Variants in PLPBP observed in about 807,000 individuals in gnomAD.
The protein encoded by PLPBP is pyridoxal phosphate binding protein.
Under a neutral mutation model 31.2 loss-of-function variants are expected in PLPBP, and 21 were observed. The observed-to-expected ratio is 0.67, with a 90% CI of 0.48 to 0.97. PLPBP has a LOEUF of 0.97. Ranked by LOEUF, PLPBP falls within the 50% of genes least tolerant of loss-of-function variation. PLPBP has a pLI of 0.00. For missense variants in PLPBP, 308 were observed against 354.4 expected (o/e 0.87, Z 1.05); for synonymous variants, 124 against 135.6 (o/e 0.91, Z 0.59).
chr8:37,778,173 A>G lies in PLPBP; in HGVS notation c.*69A>G. 1 of 1,565,408 alleles carries G rather than the reference A, an allele frequency of 6.4e-7. No individual in the cohort carries two copies. Among genetic ancestry groups the G allele is most frequent in the Non-Finnish European group, 8.7e-7 (1 of 1,148,240 alleles). On this transcript the variant is annotated 3_prime_UTR_variant, in exon 8 of 8. Transcript: ENST00000328195. ...TTCATTTCGATATTCCCTGTGTCCC[A>G]GCGCAGTCCTGCTCTCCTGTGACCT...
intron 4 of PLPBP, among the ~76,000 whole-genome samples, chr8:37,771,115 T>G (rs191246188): frequency 6.8e-4 from 103 of 152,188 alleles, no homozygotes; most frequent in African/African-American, 2.4e-3. Context: ...GAGGATCACT[T>G]GAAGCCAAAT....
At chr8:37,766,202 CAG>C (rs1323800798) in intron 3 of PLPBP, 76 bp from the exon 4 acceptor site, 6 of 1,016,788 alleles carry the variant, frequency 5.9e-6, no homozygotes, top group African/African-American at 3.3e-5. Context: ...TGAAAGGTGA[CAG>C]GGAGTGCACG....
chr8:37,764,090 T>A (rs13273392), intron 1 of PLPBP, among the ~76,000 whole-genome samples: 13 of 144,562 alleles, frequency 9.0e-5, no homozygotes, highest in Non-Finnish European at 1.5e-4. Flanking sequence ...TTTTTTTTTG[T>A]TGTGTTGTTT....
intron 4 of PLPBP, among the ~76,000 whole-genome samples, chr8:37,770,001 A>C (rs979210759): frequency 7.9e-5 from 12 of 152,236 alleles, no homozygotes; most frequent in Non-Finnish European, 1.8e-4. Flanking sequence ...GACATGAAAA[A>C]ATGGAAAGAT....
At chr8:37,762,824 A>T in intron 1 of PLPBP, 66 bp downstream of exon 1, 1 of 1,510,478 alleles carries the variant, frequency 6.6e-7, no homozygotes, top group Admixed American at 2.0e-5. Flanking sequence ...CTGCGTGGGA[A>T]TGGGTCGTCA....
chr8:37,775,229 G>T, intron 5 of PLPBP, 110 bp from the exon 6 acceptor site: 2 of 1,297,746 alleles, frequency 1.5e-6, no homozygotes, highest in Non-Finnish European at 2.2e-6. Flanking sequence ...CTTTCAAGAG[G>T]TTCTCTTGTT....
intron 5 of PLPBP, among the ~76,000 whole-genome samples, chr8:37,774,142 T>C (rs900371938): frequency 6.6e-6 from 1 of 151,356 alleles, no homozygotes; most frequent in Non-Finnish European, 1.5e-5. Flanking sequence ...ACCCAGGAGG[T>C]GAATATTGCA....
intron 1 of PLPBP, among the ~76,000 whole-genome samples, chr8:37,764,930 G>A (rs1803581328): frequency 6.6e-6 from 1 of 152,180 alleles, no homozygotes; most frequent in Non-Finnish European, 1.5e-5. Flanking sequence ...CAGCACTTTG[G>A]GAGGCCGAAG....
intron 1 of PLPBP, 89 bp from the exon 2 acceptor site, chr8:37,765,437 G>A (rs1803597058): frequency 3.2e-6 from 4 of 1,234,846 alleles, no homozygotes; most frequent in South Asian, 2.5e-5. Context: ...TGAGATCAAT[G>A]CCTGTCTATC....
chr8:37,770,954 A>G (rs1050836136), intron 4 of PLPBP, among the ~76,000 whole-genome samples: 1 of 152,120 alleles, frequency 6.6e-6, no homozygotes, highest in Admixed American at 6.5e-5. Context: ...AGGAAAACCT[A>G]ACAGAACTGT....
At chr8:37,775,190 T>C in intron 5 of PLPBP, 149 bp from the exon 6 acceptor site, 1 of 825,672 alleles carries the variant, frequency 1.2e-6, no homozygotes, top group Non-Finnish European at 1.9e-6. Context: ...AAACCCCAAG[T>C]ATAAAGTTAC....
In PLPBP at chr8:37,775,395, A is replaced by G. The variant is rs1287250114; in HGVS notation, c.511A>G (p.Lys171Glu). 6.2e-7 allele frequency: 1 copy of G among 1,614,204 alleles called. No individual in the cohort carries two copies. The highest frequency in any genetic ancestry group is 1.1e-5 in the South Asian group (1 of 91,082). Residue 171 changes from lysine to glutamate, a missense_variant, in exon 6 of 8, where the codon AAG becomes GAG. Around this residue, in one of 2 missense-constraint regions of PLPBP, gnomAD observed 188 missense variants for 259.3 expected, o/e 0.73. Transcript: ENST00000328195. The part of the protein sequence containing the change: ...TIAIVEHINA[K>E]CPNLEFVGLM... ...AGCCATCGTGGAGCACATAAACGCC[A>G]AGTGTCCTAACCTGGAGTTTGTGGG...
chr8:37,769,509 T>C (rs1031794631), intron 4 of PLPBP, among the ~76,000 whole-genome samples: 1 of 150,030 alleles, frequency 6.7e-6, no homozygotes, highest in African/African-American at 2.5e-5. Flanking sequence ...GAGCTACAAA[T>C]CTTTTTGTTT....
intron 4 of PLPBP, among the ~76,000 whole-genome samples, chr8:37,772,460 C>T (rs1248350453): frequency 1.3e-5 from 2 of 152,208 alleles, no homozygotes; most frequent in Non-Finnish European, 2.9e-5. Flanking sequence ...TAGATCAAGC[C>T]TTTTACTAGG....
rs150564841 is a variant in PLPBP, at chr8:37,764,146, A to C, written c.100-1380A>C. The stretch of plus-strand genomic sequence containing the variant: ...GAGACAGAGTCTCGTTCTGTCGCCC[A>C]GGCTGGAGTGCAGTGGCACGATCTT... On this transcript the variant is annotated intron_variant, in intron 1 of 7. Coordinates refer to ENST00000328195, the MANE Select transcript of PLPBP (RefSeq NM_007198.4). 9.0e-3 allele frequency among the ~76,000 whole-genome samples: 1,315 copies of C among 146,544 alleles called. 7 individuals are homozygous for C. Among genetic ancestry groups the C allele is most frequent in the Non-Finnish European group, 0.014 (913 of 67,336 alleles).
intron 4 of PLPBP, among the ~76,000 whole-genome samples, chr8:37,768,851 A>G (rs1803704058): frequency 1.3e-5 from 2 of 152,342 alleles, no homozygotes; most frequent in South Asian, 4.1e-4. Context: ...CTTCTTTGGA[A>G]AAATGTCTAG....
intron 4 of PLPBP, among the ~76,000 whole-genome samples, chr8:37,768,687 C>T (rs1481845759): frequency 4.6e-5 from 7 of 152,040 alleles, no homozygotes; most frequent in South Asian, 2.1e-4. Context: ...CTTGGCTAGG[C>T]TGGTCTCAAA....
rs1233567388 is a variant in PLPBP, at chr8:37,778,240, T to G, written c.*136T>G. On this transcript the variant is annotated 3_prime_UTR_variant, in exon 8 of 8. Coordinates refer to ENST00000328195, the MANE Select transcript of PLPBP (RefSeq NM_007198.4). ...ATCACGTGTGTTGATGGAAACCATC[T>G]GTGCTTAGTCTCTGACATAGGAAGC... 16 of 1,122,194 alleles carry G rather than the reference T, an allele frequency of 1.4e-5. No homozygotes were observed. The highest frequency in any genetic ancestry group is 1.8e-5 in the Non-Finnish European group (15 of 812,826). The allele number at this position is 1,122,194 out of a possible 1,614,324, so 69.5% of individuals were successfully genotyped here. A position where few individuals can be genotyped will look rare whatever the true frequency, so the allele number is the denominator to read the frequency against.
chr8:37,776,966 C>T (rs1156482150), intron 7 of PLPBP, among the ~76,000 whole-genome samples: 5 of 152,222 alleles, frequency 3.3e-5, no homozygotes, highest in South Asian at 4.1e-4. Context: ...AGGGTTTCAC[C>T]GTATTGGCCA....
Sources: allele counts gnomAD v4.1 joint callset (sites outside exome capture counted in the v4.1 genomes callset), GRCh38; gene constraint gnomAD v4.1.1; regional missense constraint gnomAD v4.1.1; transcripts MANE v1.5; gene names NCBI Gene and HGNC (gene_info 2026-07-23, HGNC 2026-07-21).